DNAH11: variants seen among roughly 807,000 people sequenced by gnomAD.
DNAH11 encodes the protein axonemal beta dynein heavy chain 11.
DNAH11 carries 442 observed loss-of-function variants against 526.0 expected under a neutral mutation model. The ratio of observed to expected loss-of-function variants is 0.84; its 90% CI spans 0.78 to 0.91. The LOEUF is 0.91. Among genes scored for constraint, DNAH11 ranks in the 40% least tolerant of loss-of-function variants. The pLI is 0.00. For missense variants in DNAH11, 6,989 were observed against 5,448.7 expected (o/e 1.28, Z -8.90); for synonymous variants, 2,461 against 1,935.9 (o/e 1.27, Z -7.12).
At chr7:21,714,679 G>C (rs559188862) in intron 42 of DNAH11, among the ~76,000 whole-genome samples, 3 of 152,110 alleles carry the variant, frequency 2.0e-5, no homozygotes, top group African/African-American at 7.2e-5. Flanking sequence ...CAAAACTATA[G>C]AAAAGTTGGA....
intron 55 of DNAH11, among the ~76,000 whole-genome samples, chr7:21,771,834 TCCC>T (rs1787448079): frequency 6.9e-6 from 1 of 145,386 alleles, no homozygotes; most frequent in Non-Finnish European, 1.5e-5. Context: ...CTCTCAATTC[TCCC>T]CCAACGCCCC....
At chr7:21,676,271 A>AC (rs1188024878) in intron 30 of DNAH11, among the ~76,000 whole-genome samples, 1 of 152,210 alleles carries the variant, frequency 6.6e-6, no homozygotes, top group Non-Finnish European at 1.5e-5. Context: ...GAGCCAAGAC[A>AC]CCCTTGATCC....
At chr7:21,826,413 G>A (rs1162005355) in intron 65 of DNAH11, among the ~76,000 whole-genome samples, 3 of 152,024 alleles carry the variant, frequency 2.0e-5, no homozygotes, top group Non-Finnish European at 4.4e-5. Context: ...AAAGTTGGGA[G>A]AAAATATAAA....
intron 34 of DNAH11, among the ~76,000 whole-genome samples, chr7:21,689,928 C>T (rs978159412): frequency 6.6e-6 from 1 of 152,314 alleles, no homozygotes; most frequent in African/African-American, 2.4e-5. Context: ...CCATTCATTG[C>T]CCTGGCCAGC....
intron 2 of DNAH11, among the ~76,000 whole-genome samples, chr7:21,550,267 T>C (rs1782971380): frequency 6.6e-6 from 1 of 152,144 alleles, no homozygotes; most frequent in Admixed American, 6.5e-5. Context: ...GTGGAGCTTG[T>C]CTTCTTTCCA....
At chr7:21,565,689 C>T (rs192021910) in intron 6 of DNAH11, among the ~76,000 whole-genome samples, 1 of 152,274 alleles carries the variant, frequency 6.6e-6, no homozygotes, top group Non-Finnish European at 1.5e-5. Flanking sequence ...CCTCAGTTCC[C>T]ACATCTATCA....
chr7:21,782,075 C>T (rs557844420), intron 57 of DNAH11, among the ~76,000 whole-genome samples: 2 of 152,280 alleles, frequency 1.3e-5, no homozygotes, highest in East Asian at 3.9e-4. Context: ...CTTGGGTCTT[C>T]AAAATATGAA....
intron 14 of DNAH11, among the ~76,000 whole-genome samples, chr7:21,592,683 C>T (rs891614079): frequency 1.3e-5 from 2 of 152,318 alleles, no homozygotes; most frequent in East Asian, 3.9e-4. Context: ...AATGATGCTG[C>T]CTTGGGTCAT....
chr7:21,585,578 A>G (rs1784455029), intron 9 of DNAH11, among the ~76,000 whole-genome samples: 2 of 152,354 alleles, frequency 1.3e-5, no homozygotes, highest in African/African-American at 4.8e-5. Flanking sequence ...GGTGCTCACC[A>G]AAAACCAAAA....
At chr7:21,543,739 G>A in intron 1 of DNAH11, 143 bp downstream of exon 1, 2 of 810,174 alleles carry the variant, frequency 2.5e-6, no homozygotes, top group Non-Finnish European at 3.8e-6. Context: ...CCTGAGGCCC[G>A]CAGGACTCCT....
In DNAH11 at chr7:21,638,997, C is replaced by G. The variant is rs372273069; in HGVS notation, c.4876C>G (p.Pro1626Ala). ...EYLETKRIAF[P>A]RFYFVSSADL... ...CCTGGAAACCAAGCGCATAGCCTTT[C>G]CTCGCTTCTATTTCGTCTCTTCTGC... The change falls in exon 28 of 82, where the codon CCT becomes GCT. Residue 1626 changes from proline to alanine, a missense_variant. Pro to Ala is a conservative substitution (Grantham distance 27). Coordinates refer to ENST00000409508, the MANE Select transcript of DNAH11 (RefSeq NM_001277115.2). The G allele has an allele frequency of 3.6e-5, 58 of 1,613,618 alleles. No homozygotes were observed. The highest frequency in any genetic ancestry group is 4.4e-5 in the Non-Finnish European group (52 of 1,179,742).
intron 2 of DNAH11, 125 bp downstream of exon 2, chr7:21,545,274 T>TAAGAAAAA (rs1782764073): frequency 8.3e-6 from 1 of 120,222 alleles, no homozygotes; most frequent in African/African-American, 5.5e-5. Flanking sequence ...TGGGGGTGGT[T>TAAGAAAAA]AAAAAAAAAA....
intron 2 of DNAH11, among the ~76,000 whole-genome samples, chr7:21,557,975 A>G (rs1783287028): frequency 6.6e-6 from 1 of 152,224 alleles, no homozygotes; most frequent in African/African-American, 2.4e-5. Flanking sequence ...ATTTGTTTGA[A>G]CACCATTCAA....
At chr7:21,811,360 G>C (rs1789511793) in intron 63 of DNAH11, among the ~76,000 whole-genome samples, 2 of 151,918 alleles carry the variant, frequency 1.3e-5, no homozygotes, top group Admixed American at 6.6e-5. Context: ...GGAGGCTGAG[G>C]CAGGAGAATC....
chr7:21,729,251 C>G (rs1208690306), intron 45 of DNAH11, among the ~76,000 whole-genome samples: 3 of 152,180 alleles, frequency 2.0e-5, no homozygotes, highest in Non-Finnish European at 4.4e-5. Flanking sequence ...TTCATTTTGT[C>G]CTGTTTCCAT....
At chr7:21,893,389 A>G (rs925572240) in intron 77 of DNAH11, among the ~76,000 whole-genome samples, 4 of 152,196 alleles carry the variant, frequency 2.6e-5, no homozygotes, top group Non-Finnish European at 5.9e-5. Context: ...GCAATCCTCA[A>G]TTGAGGAGTA....
At position 21,666,590 on chromosome 7, in the gene DNAH11, A is replaced by G. The variant is rs550182026; in HGVS notation, c.5328+7559A>G. ...GTATACATATAAGAAAGAGACCCTC[A>G]TTTTGCTGCTGAAAGCCAATTTTTG... On this transcript the variant is annotated intron_variant, in intron 30 of 81. Coordinates refer to ENST00000409508, the MANE Select transcript of DNAH11 (RefSeq NM_001277115.2). 4.4e-4 allele frequency among the ~76,000 whole-genome samples: 67 copies of G among 152,194 alleles called. 1 individual carries two copies. The highest frequency in any genetic ancestry group is 2.4e-3 in the Admixed American group (37 of 15,264).
chr7:21,805,480 C>G (rs1187957040), intron 62 of DNAH11, among the ~76,000 whole-genome samples: 1 of 151,938 alleles, frequency 6.6e-6, no homozygotes, highest in Non-Finnish European at 1.5e-5. Flanking sequence ...AATTCTGGAG[C>G]CTTTTGAAGA....
intron 49 of DNAH11, among the ~76,000 whole-genome samples, chr7:21,744,095 T>G (rs1443176386): frequency 1.3e-5 from 2 of 152,210 alleles, no homozygotes; most frequent in African/African-American, 4.8e-5. Flanking sequence ...AAAAATATGA[T>G]TCTGTGACTT....
Sources: gnomAD v4.1 joint callset for allele counts (sites outside exome capture counted in the v4.1 genomes callset) on GRCh38, gnomAD v4.1.1 for gene constraint, MANE v1.5 for transcripts, NCBI Gene and HGNC (gene_info 2026-07-23, HGNC 2026-07-21) for gene names.